ATP9B: variants seen among roughly 807,000 people sequenced by gnomAD.
The protein encoded by ATP9B is probable phospholipid-transporting ATPase IIB.
Under a neutral mutation model 146.1 loss-of-function variants are expected in ATP9B, and 110 were observed. The observed-to-expected ratio is 0.75, with a 90% CI of 0.65 to 0.88. The LOEUF (loss-of-function observed/expected upper bound fraction) is 0.88, where lower values mean the gene tolerates loss of function less well. ATP9B is among the 40% of genes least tolerant of loss of function. The probability of loss-of-function intolerance (pLI) is 0.00; values close to 1 mark genes in which losing one functional copy is unlikely to be tolerated. For missense variants in ATP9B, 1,499 were observed against 1,496.4 expected (o/e 1.00, Z -0.03); for synonymous variants, 604 against 569.7 (o/e 1.06, Z -0.86).
chr18:79,208,920 C>T (rs1461001594), intron 10 of ATP9B, among the ~76,000 whole-genome samples: 1 of 152,122 alleles, frequency 6.6e-6, no homozygotes, highest in Non-Finnish European at 1.5e-5. Flanking sequence ...ACAAGTGGGC[C>T]CTGAGCTCTG....
intron 1 of ATP9B, among the ~76,000 whole-genome samples, chr18:79,076,227 T>A (rs1217812247): frequency 1.3e-5 from 2 of 152,252 alleles, no homozygotes; most frequent in African/African-American, 4.8e-5. Context: ...GGAAAGCCTA[T>A]TATATTCATC....
At chr18:79,111,802 C>A (rs1156475592) in intron 3 of ATP9B, among the ~76,000 whole-genome samples, 1 of 152,122 alleles carries the variant, frequency 6.6e-6, no homozygotes, top group African/African-American at 2.4e-5. Flanking sequence ...TGATGATTAC[C>A]ATGTGTATGA....
chr18:79,121,539 T>C (rs2094189986), intron 4 of ATP9B, among the ~76,000 whole-genome samples: 1 of 152,184 alleles, frequency 6.6e-6, no homozygotes, highest in Non-Finnish European at 1.5e-5. Context: ...ATCTAAACTC[T>C]TACGGGTAGA....
chr18:79,182,519 C>G (rs943254442), intron 8 of ATP9B, among the ~76,000 whole-genome samples: 2 of 152,162 alleles, frequency 1.3e-5, no homozygotes, highest in African/African-American at 4.8e-5. Context: ...TGGTAAATCT[C>G]TTTACCTGGG....
chr18:79,222,219 C>T (rs932849865), intron 11 of ATP9B, among the ~76,000 whole-genome samples: 4 of 152,020 alleles, frequency 2.6e-5, no homozygotes, highest in South Asian at 4.1e-4. Flanking sequence ...ATTAGCCGGG[C>T]GTGGTGGCAG....
intron 8 of ATP9B, among the ~76,000 whole-genome samples, chr18:79,178,935 G>A (rs760215046): frequency 7.9e-5 from 12 of 152,076 alleles, no homozygotes; most frequent in East Asian, 1.9e-4. Flanking sequence ...TAAAATTGGC[G>A]TTATTTATTT....
chr18:79,377,469 C>T lies in ATP9B; in HGVS notation c.*86C>T, dbSNP rs1429102063. 4.7e-6 allele frequency: 7 copies of T among 1,498,484 alleles called. No homozygotes were observed. Among genetic ancestry groups the T allele is most frequent in the Non-Finnish European group, 5.4e-6 (6 of 1,109,732 alleles). 92.8% of individuals were successfully genotyped at this position (1,498,484 alleles called of 1,614,324 possible). A position where few individuals can be genotyped will look rare whatever the true frequency, so the allele number is the denominator to read the frequency against. On this transcript the variant is annotated 3_prime_UTR_variant, in exon 30 of 30. Transcript: ENST00000426216. ...CCCTTGCCAGTGAACGCAGGGTTTG[C>T]CATTGCTACCAAGCAAGCACCACAA... is the stretch of plus-strand genomic sequence containing the variant.
intron 9 of ATP9B, among the ~76,000 whole-genome samples, chr18:79,200,845 G>T (rs530334039): frequency 5.6e-4 from 6 of 10,782 alleles, no homozygotes; most frequent in African/African-American, 1.2e-3. Context: ...AGGCCACAAT[G>T]CTCAGTTGCC....
chr18:79,185,731 C>T (rs2095302040), intron 8 of ATP9B, among the ~76,000 whole-genome samples: 1 of 152,128 alleles, frequency 6.6e-6, no homozygotes, highest in Admixed American at 6.5e-5. Context: ...ATAGCTTATG[C>T]CCGTAATCAT....
chr18:79,250,702 C>A (rs1474349825), intron 11 of ATP9B, among the ~76,000 whole-genome samples: 1 of 152,212 alleles, frequency 6.6e-6, no homozygotes, highest in Non-Finnish European at 1.5e-5. Flanking sequence ...GATAAATCAG[C>A]CGCTGTGGTC....
chr18:79,232,885 T>C (rs1012449581), intron 11 of ATP9B, among the ~76,000 whole-genome samples: 4 of 152,088 alleles, frequency 2.6e-5, no homozygotes, highest in African/African-American at 9.7e-5. Flanking sequence ...AAGGAGCGAA[T>C]CAGTGAGCCC....
intron 23 of ATP9B, among the ~76,000 whole-genome samples, chr18:79,346,582 C>T (rs111544593): frequency 1.8e-5 from 2 of 112,970 alleles, no homozygotes; most frequent in African/African-American, 6.8e-5. Flanking sequence ...ACGTGCTCAG[C>T]GCACAGTCAG....
At chr18:79,245,706 G>GCATTTCCGA (rs2095943674) in intron 11 of ATP9B, among the ~76,000 whole-genome samples, 1 of 147,242 alleles carries the variant, frequency 6.8e-6, no homozygotes, top group Non-Finnish European at 1.5e-5. Context: ...ACTGTGCGGA[G>GCATTTCCGA]GGTACCGCCC....
In ATP9B at chr18:79,336,615, T is replaced by C; in HGVS notation, c.2029-13T>C. 6.2e-7 allele frequency: 1 copy of C among 1,613,446 alleles called. No individual in the cohort carries two copies. Among genetic ancestry groups the C allele is most frequent in the Non-Finnish European group, 8.5e-7 (1 of 1,179,762 alleles). On this transcript the variant is annotated splice_polypyrimidine_tract_variant and intron_variant, in intron 17 of 29. Transcript: ENST00000426216. ...TGCAGGGCCCACCTGTGACTCGGCC[T>C]CTCCTTTTCCAGTGCGGAAACATGG...
chr18:79,201,263 A>G (rs1399575626), intron 9 of ATP9B, among the ~76,000 whole-genome samples: 2 of 152,006 alleles, frequency 1.3e-5, no homozygotes, highest in African/African-American at 2.4e-5. Context: ...TTTTCTGTGT[A>G]TTTTTCAAAA....
chr18:79,217,568 T>C (rs1176534802), intron 11 of ATP9B, among the ~76,000 whole-genome samples: 1 of 152,230 alleles, frequency 6.6e-6, no homozygotes, highest in Non-Finnish European at 1.5e-5. Flanking sequence ...TGTTAAATGC[T>C]AGTTTTACAA....
chr18:79,221,768 G>T (rs1389968151), intron 11 of ATP9B, among the ~76,000 whole-genome samples: 1 of 150,232 alleles, frequency 6.7e-6, no homozygotes, highest in African/African-American at 2.5e-5. Context: ...TTAAGTTGAT[G>T]TATGTTAGGT....
At chr18:79,294,457 A>G (rs1279713786) in intron 13 of ATP9B, among the ~76,000 whole-genome samples, 1 of 152,244 alleles carries the variant, frequency 6.6e-6, no homozygotes, top group Admixed American at 6.5e-5. Context: ...CAGGAAACAC[A>G]GGGCCCACAG....
At chr18:79,148,126 C>T (rs766802) in intron 6 of ATP9B, among the ~76,000 whole-genome samples, 37,833 of 151,878 alleles carry the variant, frequency 0.25, 5,007 homozygotes, top group East Asian at 0.5. Flanking sequence ...ATGAAATAGA[C>T]AATATCAGTA....
Sources: allele counts gnomAD v4.1 joint callset (sites outside exome capture counted in the v4.1 genomes callset), GRCh38; gene constraint gnomAD v4.1.1; transcripts MANE v1.5; gene names NCBI Gene and HGNC (gene_info 2026-07-23, HGNC 2026-07-21).